Variants in CACNB2 observed in about 807,000 individuals in gnomAD.
CACNB2 encodes voltage-dependent L-type calcium channel subunit beta-2.
In CACNB2, 42 loss-of-function variants were observed where a neutral mutation model predicts 73.3. That is an observed-to-expected ratio of 0.57 (90% CI 0.45 to 0.74). CACNB2 has a LOEUF of 0.74. Ranked by LOEUF, CACNB2 falls within the 30% of genes least tolerant of loss-of-function variation. The pLI is 0.00. For missense variants in CACNB2, 940 were observed against 853.0 expected (o/e 1.10, Z -1.27); for synonymous variants, 348 against 310.3 (o/e 1.12, Z -1.28).
At chr10:18,312,972 T>C (rs971471707) in intron 2 of CACNB2, among the ~76,000 whole-genome samples, 3 of 152,186 alleles carry the variant, frequency 2.0e-5, no homozygotes, top group Non-Finnish European at 4.4e-5. Context: ...TGATTGTTTT[T>C]CTGTGCTAAT....
intron 2 of CACNB2, among the ~76,000 whole-genome samples, chr10:18,343,672 A>G (rs11013723): frequency 0.12 from 18,910 of 152,174 alleles, 1,298 homozygotes; most frequent in African/African-American, 0.17. Flanking sequence ...CCAAACTGTG[A>G]TACTTCTGAT....
intron 3 of CACNB2, among the ~76,000 whole-genome samples, chr10:18,409,711 G>A (rs67117524): frequency 0.25 from 38,304 of 152,036 alleles, 5,407 homozygotes; most frequent in Middle Eastern, 0.41. Flanking sequence ...AGGGACTGAA[G>A]AACTGGTAGG....
intron 2 of CACNB2, among the ~76,000 whole-genome samples, chr10:18,248,073 A>G (rs979290474): frequency 6.6e-6 from 1 of 152,222 alleles, no homozygotes; most frequent in Non-Finnish European, 1.5e-5. Context: ...AGGTTGCAAC[A>G]TATGAATTTT....
intron 2 of CACNB2, among the ~76,000 whole-genome samples, chr10:18,229,348 T>C (rs900431460): frequency 1.3e-5 from 2 of 152,216 alleles, no homozygotes; most frequent in African/African-American, 2.4e-5. Context: ...AAAACTTTAG[T>C]TGTATTTCTG....
intron 1 of CACNB2, among the ~76,000 whole-genome samples, chr10:18,150,465 A>C (rs1466800464): frequency 6.6e-6 from 1 of 152,206 alleles, no homozygotes; most frequent in African/African-American, 2.4e-5. Flanking sequence ...GGAGTTCGAG[A>C]CCACCCTGAC....
intron 2 of CACNB2, among the ~76,000 whole-genome samples, chr10:18,366,383 C>T (rs942338016): frequency 3.3e-5 from 5 of 149,878 alleles, no homozygotes; most frequent in African/African-American, 9.9e-5. Flanking sequence ...GAGAATGGTA[C>T]GAACCCGGGA....
chr10:18,166,311 A>G (rs2032848677), intron 2 of CACNB2, among the ~76,000 whole-genome samples: 2 of 152,140 alleles, frequency 1.3e-5, no homozygotes, highest in Admixed American at 1.3e-4. Context: ...GCTGAAGTGC[A>G]GTGGCACAAT....
chr10:18,466,580 C>G (rs2047900370), intron 3 of CACNB2, among the ~76,000 whole-genome samples: 1 of 152,104 alleles, frequency 6.6e-6, no homozygotes, highest in Admixed American at 6.6e-5. Context: ...ATAGAAGGTT[C>G]TCTCCTGGTG....
chr10:18,243,246 T>C (rs1327649261), intron 2 of CACNB2, among the ~76,000 whole-genome samples: 2 of 152,108 alleles, frequency 1.3e-5, no homozygotes, highest in Non-Finnish European at 2.9e-5. Context: ...ACTGTTGTAT[T>C]AAATTTGATC....
intron 2 of CACNB2, among the ~76,000 whole-genome samples, chr10:18,156,251 G>A (rs1362585498): frequency 1.3e-5 from 2 of 152,320 alleles, no homozygotes; most frequent in Non-Finnish European, 2.9e-5. Context: ...ATATGTTTCT[G>A]TGTTAGGCTC....
intron 2 of CACNB2, among the ~76,000 whole-genome samples, chr10:18,270,778 C>T (rs2482104): frequency 0.83 from 126,017 of 152,174 alleles, 52,460 homozygotes; most frequent in African/African-American, 0.92. Flanking sequence ...AATTATCCCT[C>T]TAGTTGTCTG....
In CACNB2 at chr10:18,541,005, T is replaced by C. The variant is rs1429921246; in HGVS notation, c.*1281T>C. On this transcript the variant is annotated 3_prime_UTR_variant, in exon 14 of 14. Transcript: ENST00000324631. ...GGCAATTTTACTGTGAGTGTTTCAC[T>C]GGAAATGTACAATCTTTGTGTGTTA... 1 of 152,430 alleles carries C rather than the reference T, an allele frequency of 6.6e-6. No homozygotes were observed. Among genetic ancestry groups the C allele is most frequent in the Non-Finnish European group, 1.5e-5 (1 of 68,020 alleles). The allele number at this position is 152,430 out of a possible 1,614,324, so 9.4% of individuals were successfully genotyped here. A position where few individuals can be genotyped will look rare whatever the true frequency, so the allele number is the denominator to read the frequency against.
At chr10:18,160,513 A>G (rs10828281) in intron 2 of CACNB2, among the ~76,000 whole-genome samples, 40,652 of 152,006 alleles carry the variant, frequency 0.27, 5,512 homozygotes, top group East Asian at 0.36. Context: ...AATTAACCTT[A>G]CTAGATTGGT....
chr10:18,257,358 C>T (rs2037326731), intron 2 of CACNB2: 1 of 152,186 alleles, frequency 6.6e-6, no homozygotes, highest in African/African-American at 2.4e-5. Context: ...GAGGGGACAA[C>T]TATGAATCTT....
At chr10:18,308,779 C>G (rs1297353683) in intron 2 of CACNB2, among the ~76,000 whole-genome samples, 1 of 152,168 alleles carries the variant, frequency 6.6e-6, no homozygotes, top group Non-Finnish European at 1.5e-5. Context: ...TGCCTGACAC[C>G]TTTGGCTCTT....
At chr10:18,529,852 G>A (rs981919382) in intron 10 of CACNB2, among the ~76,000 whole-genome samples, 2 of 151,992 alleles carry the variant, frequency 1.3e-5, no homozygotes, top group African/African-American at 2.4e-5. Context: ...ATCATTTGAC[G>A]CTCACAAGAA....
Position 18,500,859 on chromosome 10 carries a change from T to C in CACNB2, c.504T>C (p.Cys168=). Residue 168 remains cysteine (C), a synonymous_variant, in exon 5 of 14, where the codon TGT becomes TGC. Coordinates refer to ENST00000324631, the MANE Select transcript of CACNB2 (RefSeq NM_201596.3). ...WWIGRLVKEG[C]EIGFIPSPVK... ...TAGGGCGATTGGTAAAAGAAGGCTG[T>C]GAAATCGGATTCATTCCAAGCCCAG... 6 of 1,613,892 alleles carry C rather than the reference T, an allele frequency of 3.7e-6. No individual in the cohort carries two copies. The highest frequency in any genetic ancestry group is 5.1e-6 in the Non-Finnish European group (6 of 1,179,806).
chr10:18,538,954 A>C (rs2053875909), intron 13 of CACNB2, among the ~76,000 whole-genome samples: 1 of 151,336 alleles, frequency 6.6e-6, no homozygotes, highest in Admixed American at 6.6e-5. Flanking sequence ...CAGGAGAATA[A>C]ATAAAAGAAC....
At chr10:18,158,378 G>A (rs565595348) in intron 2 of CACNB2, among the ~76,000 whole-genome samples, 1 of 152,236 alleles carries the variant, frequency 6.6e-6, no homozygotes, top group South Asian at 2.1e-4. Context: ...TTATTAGAAT[G>A]AATGAATATT....
Sources: gnomAD v4.1 joint callset for allele counts (sites outside exome capture counted in the v4.1 genomes callset) on GRCh38, gnomAD v4.1.1 for gene constraint, MANE v1.5 for transcripts, NCBI Gene and HGNC (gene_info 2026-07-23, HGNC 2026-07-21) for gene names.